CSMD1: variants seen among roughly 807,000 people sequenced by gnomAD.
CSMD1 encodes the protein CUB and sushi domain-containing protein 1.
In CSMD1, 213 loss-of-function variants were observed where a neutral mutation model predicts 417.5. The ratio of observed to expected loss-of-function variants is 0.51; its 90% CI spans 0.46 to 0.57. The LOEUF is 0.57. CSMD1 is among the 20% of genes least tolerant of loss of function. The probability of loss-of-function intolerance (pLI) is 0.00; values close to 1 mark genes in which losing one functional copy is unlikely to be tolerated. For synonymous variants in CSMD1, 2,862 were observed against 1,736.8 expected, an observed-to-expected ratio of 1.65 and a Z score of -16.11; for missense variants, 6,923 against 4,529.7, an observed-to-expected ratio of 1.53 and a Z score of -15.17.
chr8:3,185,114 G>T (rs1030964313), intron 36 of CSMD1, among the ~76,000 whole-genome samples: 1 of 152,244 alleles, frequency 6.6e-6, no homozygotes, highest in African/African-American at 2.4e-5. Flanking sequence ...TAGCCAGTTG[G>T]TCAGAGTGCA....
At chr8:4,893,027 G>C (rs1353285946) in intron 1 of CSMD1, among the ~76,000 whole-genome samples, 3 of 152,086 alleles carry the variant, frequency 2.0e-5, no homozygotes, top group Non-Finnish European at 4.4e-5. Flanking sequence ...AATTTGCATG[G>C]TCAATGTCAA....
chr8:3,041,039 T>C (rs1224393944), intron 50 of CSMD1, among the ~76,000 whole-genome samples: 2 of 152,128 alleles, frequency 1.3e-5, no homozygotes, highest in South Asian at 2.1e-4. Context: ...GGTAAATAAA[T>C]TATCAATATT....
rs1018344590 is a variant in CSMD1 at position 4,261,122 on chromosome 8, T to C, written c.415+158831A>G. Among the ~76,000 whole-genome samples, 2 of 152,212 alleles carry C rather than the reference T, an allele frequency of 1.3e-5. 1 individual carries two copies. The highest frequency in any genetic ancestry group is 1.3e-4 in the Admixed American group (2 of 15,286). On this transcript the variant is annotated intron_variant, in intron 3 of 69. Coordinates refer to ENST00000635120, the MANE Select transcript of CSMD1 (RefSeq NM_033225.6). ...ATGTGTCATTTACACATGTCTGTGT[T>C]TGTTAGACTCTTTTTTCTCCCTTCT...
chr8:3,884,772 T>C (rs1233071774), intron 5 of CSMD1, among the ~76,000 whole-genome samples: 3 of 152,052 alleles, frequency 2.0e-5, no homozygotes, highest in East Asian at 1.9e-4. Flanking sequence ...CTAATCCCAA[T>C]AGTATTCACC....
At chr8:3,447,545 C>A (rs549512693) in intron 12 of CSMD1, among the ~76,000 whole-genome samples, 1 of 152,100 alleles carries the variant, frequency 6.6e-6, no homozygotes, top group East Asian at 1.9e-4. Context: ...AGGTGGCACC[C>A]GGAACCACTG....
At chr8:4,553,316 A>G (rs557656434) in intron 2 of CSMD1, among the ~76,000 whole-genome samples, 1 of 152,332 alleles carries the variant, frequency 6.6e-6, no homozygotes, top group Non-Finnish European at 1.5e-5. Context: ...TCTGGGTAAA[A>G]GTGCTTCATT....
At chr8:2,979,510 T>A (rs1805226341) in intron 54 of CSMD1, among the ~76,000 whole-genome samples, 1 of 152,194 alleles carries the variant, frequency 6.6e-6, no homozygotes, top group African/African-American at 2.4e-5. Flanking sequence ...GAACTCTGAT[T>A]ACCTCATGCT....
chr8:3,219,498 A>G (rs1412046879), intron 28 of CSMD1, 56 bp from the exon 29 acceptor site: 3 of 1,250,164 alleles, frequency 2.4e-6, no homozygotes, highest in South Asian at 3.5e-5. Context: ...TATCTCCCAG[A>G]GTGGTAAGCC....
rs543029460 is a variant in CSMD1, at chr8:3,748,176, G to C, written c.931+5754C>G. Reference sequence around the variant, plus strand: ...AGACTTTACAAGAATCTTTTGTTCTGAGAGAAATTAAAGTAGATATTTAGG... The same window carrying C: ...AGACTTTACAAGAATCTTTTGTTCTCAGAGAAATTAAAGTAGATATTTAGG... On this transcript the variant is annotated intron_variant, in intron 6 of 69. Coordinates refer to ENST00000635120, the MANE Select transcript of CSMD1 (RefSeq NM_033225.6). Among the ~76,000 whole-genome samples, 80 of 152,242 alleles carry C rather than the reference G, an allele frequency of 5.3e-4. 2 individuals are homozygous for C. Among genetic ancestry groups the C allele is most frequent in the Admixed American group, 4.5e-3 (69 of 15,288 alleles).
chr8:4,821,184 C>G (rs1188298357), intron 1 of CSMD1, among the ~76,000 whole-genome samples: 1 of 152,150 alleles, frequency 6.6e-6, no homozygotes, highest in Non-Finnish European at 1.5e-5. Flanking sequence ...AATCACGTCA[C>G]TGTGACATTC....
chr8:3,510,029 C>T (rs1796997577), intron 10 of CSMD1, among the ~76,000 whole-genome samples: 1 of 152,202 alleles, frequency 6.6e-6, no homozygotes, highest in Non-Finnish European at 1.5e-5. Context: ...CGCGTATCCA[C>T]TTCTCCCCTC....
At chr8:3,670,229 C>G (rs1184923653) in intron 7 of CSMD1, among the ~76,000 whole-genome samples, 1 of 151,918 alleles carries the variant, frequency 6.6e-6, no homozygotes, top group African/African-American at 2.4e-5. Flanking sequence ...CCAGAGAATA[C>G]AAAGCAGGCG....
chr8:4,638,216 C>G lies in CSMD1; in HGVS notation c.86-658G>C, dbSNP rs565137244. Among the ~76,000 whole-genome samples the G allele has an allele frequency of 3.9e-5, 6 of 152,232 alleles. No individual in the cohort carries two copies. The South Asian group carries it at 1.2e-3, about 32-fold the overall frequency. On this transcript the variant is annotated intron_variant, in intron 1 of 69. Coordinates refer to ENST00000635120, the MANE Select transcript of CSMD1 (RefSeq NM_033225.6). ...TCTACATAGTATCATGCTTAAAACA[C>G]TCCACCCTAAATTCTTTGTTGGTGG...
At chr8:3,926,304 C>G (rs1384212136) in intron 5 of CSMD1, among the ~76,000 whole-genome samples, 3 of 152,158 alleles carry the variant, frequency 2.0e-5, no homozygotes, top group Non-Finnish European at 4.4e-5. Flanking sequence ...ATGTATTTCT[C>G]CTTATAACTT....
At chr8:3,293,497 C>G (rs546512368) in intron 25 of CSMD1, among the ~76,000 whole-genome samples, 19 of 152,232 alleles carry the variant, frequency 1.2e-4, no homozygotes, top group African/African-American at 4.6e-4. Flanking sequence ...TCACATAGTC[C>G]CATATTTCTT....
intron 3 of CSMD1, among the ~76,000 whole-genome samples, chr8:4,202,642 G>A (rs1024575432): frequency 6.6e-6 from 1 of 152,082 alleles, no homozygotes; most frequent in African/African-American, 2.4e-5. Flanking sequence ...ATTTCCTCTC[G>A]AATACAACCA....
At chr8:3,066,805 T>C (rs537735738) in intron 49 of CSMD1, among the ~76,000 whole-genome samples, 37 of 152,278 alleles carry the variant, frequency 2.4e-4, no homozygotes, top group African/African-American at 8.4e-4. Context: ...AAACTCTTAT[T>C]TAAGCTCATT....
chr8:3,423,986 T>G (rs1169443342), intron 12 of CSMD1, among the ~76,000 whole-genome samples: 2 of 151,984 alleles, frequency 1.3e-5, no homozygotes, highest in African/African-American at 2.4e-5. Flanking sequence ...AGTACCAGTT[T>G]TCTTTGTTGG....
At chr8:3,126,108 T>C (rs1817495591) in intron 41 of CSMD1, among the ~76,000 whole-genome samples, 1 of 152,184 alleles carries the variant, frequency 6.6e-6, no homozygotes, top group Admixed American at 6.5e-5. Flanking sequence ...TTCAGCCTGG[T>C]TGTGCCAATA....
Sources: gnomAD v4.1 joint callset for allele counts (sites outside exome capture counted in the v4.1 genomes callset) on GRCh38, gnomAD v4.1.1 for gene constraint, MANE v1.5 for transcripts, NCBI Gene and HGNC (gene_info 2026-07-23, HGNC 2026-07-21) for gene names.